Variants in SAMSN1 observed in about 807,000 individuals in gnomAD.
SAMSN1 encodes SAM domain-containing protein SAMSN-1.
Under a neutral mutation model 42.0 loss-of-function variants are expected in SAMSN1, and 31 were observed. The ratio of observed to expected loss-of-function variants is 0.74; its 90% CI spans 0.55 to 1.00. The LOEUF is 1.00. Ranked by LOEUF, SAMSN1 falls within the 50% of genes least tolerant of loss-of-function variation. The pLI is 0.00. For missense variants in SAMSN1, 464 were observed against 439.4 expected (o/e 1.06, Z -0.50); for synonymous variants, 178 against 151.9 (o/e 1.17, Z -1.26).
intron 2 of SAMSN1, among the ~76,000 whole-genome samples, chr21:14,634,517 G>T (rs913933713): frequency 6.6e-6 from 1 of 152,086 alleles, no homozygotes; most frequent in Non-Finnish European, 1.5e-5. Flanking sequence ...GAGATGAACA[G>T]ATACTTCTCA....
intron 1 of SAMSN1, among the ~76,000 whole-genome samples, chr21:14,539,744 A>C (rs1474267387): frequency 6.6e-6 from 1 of 152,178 alleles, no homozygotes; most frequent in Non-Finnish European, 1.5e-5. Context: ...ATTCAATGCC[A>C]TACCCATCAA....
At chr21:14,610,741 G>A (rs1052538274) in intron 4 of SAMSN1, among the ~76,000 whole-genome samples, 6 of 152,140 alleles carry the variant, frequency 3.9e-5, no homozygotes, top group Admixed American at 6.5e-5. Flanking sequence ...AATTATCGGT[G>A]GCGGGTTCCC....
intron 2 of SAMSN1, among the ~76,000 whole-genome samples, chr21:14,641,559 A>C (rs1420120615): frequency 6.6e-6 from 1 of 152,136 alleles, no homozygotes; most frequent in African/African-American, 2.4e-5. Flanking sequence ...TCTCTCTAAA[A>C]TTGTTGTGAG....
chr21:14,642,183 C>G (rs1983612771), intron 2 of SAMSN1, among the ~76,000 whole-genome samples: 1 of 152,138 alleles, frequency 6.6e-6, no homozygotes, highest in Non-Finnish European at 1.5e-5. Context: ...ACCTGCACAG[C>G]TTGAACCCAT....
chr21:14,614,820 C>CA (rs145898130), intron 3 of SAMSN1, among the ~76,000 whole-genome samples: 51 of 150,424 alleles, frequency 3.4e-4, no homozygotes, highest in Non-Finnish European at 6.2e-4. Context: ...AGTGGTAGGC[C>CA]AAAAAAAAGA....
At chr21:14,591,285 G>A (rs978693346) in intron 7 of SAMSN1, 3 of 152,080 alleles carry the variant, frequency 2.0e-5, no homozygotes, top group Non-Finnish European at 4.4e-5. Context: ...ATATTCTCCT[G>A]GAAGGCTTAT....
chr21:14,639,111 T>A (rs2123375661), intron 2 of SAMSN1, among the ~76,000 whole-genome samples: 1 of 152,320 alleles, frequency 6.6e-6, no homozygotes, highest in Middle Eastern at 3.4e-3. Context: ...AAGTGGAAAA[T>A]TGACAATTAT....
chr21:14,580,355 G>T (rs931338295), intron 2 of SAMSN1, among the ~76,000 whole-genome samples: 1 of 152,224 alleles, frequency 6.6e-6, no homozygotes, highest in Non-Finnish European at 1.5e-5. Context: ...AAGTTAGGGA[G>T]TCCAGATTTT....
At chr21:14,544,556 C>A (rs541805077) in intron 1 of SAMSN1, among the ~76,000 whole-genome samples, 17 of 152,232 alleles carry the variant, frequency 1.1e-4, no homozygotes, top group Middle Eastern at 6.8e-3. Context: ...AGAATGAAAC[C>A]ATCTGTCTAA....
intron 1 of SAMSN1, among the ~76,000 whole-genome samples, chr21:14,538,634 C>T (rs1979794252): frequency 6.6e-6 from 1 of 152,118 alleles, no homozygotes; most frequent in African/African-American, 2.4e-5. Flanking sequence ...GTGAAGAAAG[C>T]TCTTTAATGG....
intron 7 of SAMSN1, chr21:14,592,456 C>A: frequency 6.1e-6 from 1 of 164,816 alleles, no homozygotes; most frequent in Non-Finnish European, 1.4e-5. Flanking sequence ...GATTGTTCTG[C>A]TTTGAAAATC....
At chr21:14,515,091 GT>G (rs1316722751) in intron 3 of SAMSN1, among the ~76,000 whole-genome samples, 1 of 152,098 alleles carries the variant, frequency 6.6e-6, no homozygotes. Context: ...AAAAGTGGAT[GT>G]TTTATATGTA....
At chr21:14,524,789 T>G (rs1978732790) in intron 1 of SAMSN1, among the ~76,000 whole-genome samples, 1 of 152,158 alleles carries the variant, frequency 6.6e-6, no homozygotes, top group Admixed American at 6.5e-5. Flanking sequence ...TAAATACATC[T>G]TTTTATATGC....
chr21:14,603,329 G>A (rs1982484833), intron 5 of SAMSN1, among the ~76,000 whole-genome samples: 2 of 152,174 alleles, frequency 1.3e-5, no homozygotes, highest in African/African-American at 2.4e-5. Context: ...GAATCAAGCT[G>A]AGAAAATAAG....
At chr21:14,644,367 G>A (rs1444894398) in intron 1 of SAMSN1, among the ~76,000 whole-genome samples, 2 of 151,974 alleles carry the variant, frequency 1.3e-5, no homozygotes, top group Admixed American at 6.6e-5. Flanking sequence ...GAGTCATGAG[G>A]TACCCCCCTT....
intron 5 of SAMSN1, among the ~76,000 whole-genome samples, chr21:14,507,273 G>A (rs956636180): frequency 6.6e-6 from 1 of 152,096 alleles, no homozygotes; most frequent in Non-Finnish European, 1.5e-5. Flanking sequence ...CTGATGATAT[G>A]ATCATTTACT....
At chr21:14,596,036 T>C (rs1374727236) in intron 6 of SAMSN1, among the ~76,000 whole-genome samples, 2 of 152,180 alleles carry the variant, frequency 1.3e-5, no homozygotes, top group African/African-American at 4.8e-5. Context: ...TCATAAAAAT[T>C]ATTTGTTAGA....
rs1980863793 is a variant in SAMSN1 at position 14,559,239 on chromosome 21, T to C, written c.261+22897A>G. On this transcript the variant is annotated intron_variant, in intron 2 of 8. Transcript: ENST00000285670. ...TTTCTAGTTTATGGTGCAATCAGTA[T>C]GTCATGTGGTTCATGCAAAGGCAGC... 4.0e-5 allele frequency among the ~76,000 whole-genome samples: 6 copies of C among 151,896 alleles called. No individual in the cohort carries two copies. In the South Asian group the frequency reaches 1.2e-3, roughly 32 times the overall value.
intron 5 of SAMSN1, among the ~76,000 whole-genome samples, chr21:14,501,961 T>C (rs1196306417): frequency 3.9e-5 from 6 of 152,236 alleles, no homozygotes; most frequent in Non-Finnish European, 7.3e-5. Flanking sequence ...AGAAAATTTA[T>C]TTCTATGCAA....
Sources: allele counts gnomAD v4.1 joint callset (sites outside exome capture counted in the v4.1 genomes callset), GRCh38; gene constraint gnomAD v4.1.1; transcripts MANE v1.5; gene names NCBI Gene and HGNC (gene_info 2026-07-23, HGNC 2026-07-21).